SAMSN1: variants seen among roughly 807,000 people sequenced by gnomAD.
The protein encoded by SAMSN1 is SAM domain-containing protein SAMSN-1.
SAMSN1 carries 31 observed loss-of-function variants against 42.0 expected under a neutral mutation model. The observed-to-expected ratio is 0.74, with a 90% confidence interval of 0.55 to 1.00. The LOEUF (loss-of-function observed/expected upper bound fraction) is 1.00. SAMSN1 is among the 50% of genes least tolerant of loss of function. SAMSN1 has a pLI of 0.00. For synonymous variants in SAMSN1, 178 were observed against 151.9 expected (o/e 1.17, Z -1.26); for missense variants, 464 against 439.4 (o/e 1.06, Z -0.50).
At chr21:14,542,197 T>A (rs537046414) in intron 1 of SAMSN1, among the ~76,000 whole-genome samples, 2 of 152,350 alleles carry the variant, frequency 1.3e-5, no homozygotes, top group African/African-American at 4.8e-5. Flanking sequence ...AAACTTTAGC[T>A]GGCAATTCAG....
At chr21:14,605,596 A>C (rs1600958940) in intron 5 of SAMSN1, among the ~76,000 whole-genome samples, 1 of 152,176 alleles carries the variant, frequency 6.6e-6, no homozygotes, top group East Asian at 1.9e-4. Context: ...AAAAATAATT[A>C]ATAAGATCTT....
At chr21:14,606,055 T>C (rs1845493785) in intron 5 of SAMSN1, among the ~76,000 whole-genome samples, 1 of 152,070 alleles carries the variant, frequency 6.6e-6, no homozygotes, top group Non-Finnish European at 1.5e-5. Flanking sequence ...TTAGCCAGGA[T>C]GGTCTTGATC....
intron 1 of SAMSN1, among the ~76,000 whole-genome samples, chr21:14,545,902 A>G (rs1980361445): frequency 6.6e-6 from 1 of 152,216 alleles, no homozygotes; most frequent in East Asian, 1.9e-4. Context: ...AAGATTTTAT[A>G]ATAACAAACA....
chr21:14,630,405 G>T (rs1226663634), intron 2 of SAMSN1, among the ~76,000 whole-genome samples: 3 of 149,504 alleles, frequency 2.0e-5, no homozygotes, highest in African/African-American at 7.4e-5. Context: ...TTTTAGAGAT[G>T]ATTAAAGAGA....
intron 2 of SAMSN1, among the ~76,000 whole-genome samples, chr21:14,557,995 G>A (rs9983245): frequency 0.47 from 71,761 of 152,032 alleles, 17,480 homozygotes; most frequent in East Asian, 0.79. Flanking sequence ...GTGATGGCAT[G>A]AGCCTTCATG....
intron 2 of SAMSN1, among the ~76,000 whole-genome samples, chr21:14,554,945 C>T (rs556971631): frequency 3.6e-4 from 55 of 152,196 alleles, no homozygotes; most frequent in African/African-American, 1.3e-3. Context: ...AATTCTCCTG[C>T]TTGGCCTCCC....
intron 3 of SAMSN1, among the ~76,000 whole-genome samples, chr21:14,513,730 A>G (rs560955154): frequency 2.6e-5 from 4 of 152,318 alleles, no homozygotes; most frequent in Admixed American, 6.5e-5. Context: ...TTATTGACCT[A>G]AAGGATAAGA....
intron 1 of SAMSN1, among the ~76,000 whole-genome samples, chr21:14,652,130 A>G (rs531625156): frequency 1.3e-5 from 2 of 152,214 alleles, no homozygotes; most frequent in African/African-American, 4.8e-5. Context: ...AGCAAACTAC[A>G]GATTCAATGC....
chr21:14,647,527 G>T (rs1454906782), intron 1 of SAMSN1, among the ~76,000 whole-genome samples: 1 of 148,782 alleles, frequency 6.7e-6, no homozygotes, highest in African/African-American at 2.5e-5. Context: ...GTGAAGAAAG[G>T]CATTGGTAGC....
intron 1 of SAMSN1, among the ~76,000 whole-genome samples, chr21:14,657,924 T>C (rs1358106263): frequency 6.6e-6 from 1 of 151,826 alleles, no homozygotes; most frequent in Non-Finnish European, 1.5e-5. Context: ...ATGTTAATCT[T>C]ATGTGCAATT....
chr21:14,643,641 G>A (rs1983647740), intron 1 of SAMSN1, among the ~76,000 whole-genome samples: 1 of 152,072 alleles, frequency 6.6e-6, no homozygotes, highest in African/African-American at 2.4e-5. Context: ...TCCACTGATC[G>A]TTTCTCCACA....
chr21:14,575,776 A>C (rs1436670991), intron 2 of SAMSN1, among the ~76,000 whole-genome samples: 3 of 152,194 alleles, frequency 2.0e-5, no homozygotes, highest in Non-Finnish European at 4.4e-5. Context: ...ACTAAAGCAC[A>C]AAGAAAATGA....
At chr21:14,565,763 G>A (rs2822768) in intron 2 of SAMSN1, among the ~76,000 whole-genome samples, 46,096 of 151,876 alleles carry the variant, frequency 0.3, 7,377 homozygotes, top group East Asian at 0.48. Flanking sequence ...TGGTCTTTCC[G>A]TTATACCATG....
At chr21:14,548,108 A>C (rs2123171179), upstream of SAMSN1, among the ~76,000 whole-genome samples, 1 of 152,292 alleles carries the variant, frequency 6.6e-6, no homozygotes, top group Admixed American at 6.5e-5. Flanking sequence ...AAAGTCATAA[A>C]AATACGTTTT....
chr21:14,529,984 G>T (rs1437869161), intron 1 of SAMSN1, among the ~76,000 whole-genome samples: 1 of 152,114 alleles, frequency 6.6e-6, no homozygotes, highest in African/African-American at 2.4e-5. Flanking sequence ...AAAATTAGTA[G>T]ATTTGTATAA....
chr21:14,550,703 G>A (rs1980565906), upstream of SAMSN1, among the ~76,000 whole-genome samples: 1 of 151,996 alleles, frequency 6.6e-6, no homozygotes, highest in South Asian at 2.1e-4. Context: ...TAATTAGGAA[G>A]GTTAGGGAGA....
At chr21:14,640,964 G>A (rs1416315309) in intron 2 of SAMSN1, among the ~76,000 whole-genome samples, 2 of 151,432 alleles carry the variant, frequency 1.3e-5, no homozygotes, top group Non-Finnish European at 2.9e-5. Context: ...AATTTTAGTC[G>A]ACTAGTTGGC....
intron 2 of SAMSN1, among the ~76,000 whole-genome samples, chr21:14,577,263 TATATATATATATA>T (rs1981520808): frequency 2.2e-5 from 1 of 46,384 alleles, no homozygotes; most frequent in African/African-American, 1.5e-4. Flanking sequence ...TATATATATA[TATATATATATATA>T]TATATATATT....
intron 2 of SAMSN1, among the ~76,000 whole-genome samples, chr21:14,624,106 C>T (rs1022389890): frequency 6.6e-6 from 1 of 152,140 alleles, no homozygotes; most frequent in East Asian, 1.9e-4. Flanking sequence ...ATACCAGAAT[C>T]TCTGGGACAC....
Sources: gnomAD v4.1 joint callset for allele counts (sites outside exome capture counted in the v4.1 genomes callset) on GRCh38, gnomAD v4.1.1 for gene constraint, MANE v1.5 for transcripts, NCBI Gene and HGNC (gene_info 2026-07-23, HGNC 2026-07-21) for gene names.